The following TNFRSF21 variants were observed in gnomAD, a reference collection of about 807,000 sequenced individuals.
TNFRSF21 encodes TNF receptor superfamily member 21, also known as tumor necrosis factor receptor superfamily member 21.
A neutral mutation model predicts 45.6 loss-of-function variants in TNFRSF21; 19 were observed. The ratio of observed to expected loss-of-function variants is 0.42; its 90% CI spans 0.29 to 0.61. The LOEUF (loss-of-function observed/expected upper bound fraction) is 0.61, where lower values mean the gene tolerates loss of function less well. Ranked by LOEUF, TNFRSF21 falls within the 20% of genes least tolerant of loss-of-function variation. TNFRSF21 has a pLI of 0.23. For synonymous variants in TNFRSF21, 314 were observed against 335.5 expected, an observed-to-expected ratio of 0.94 and a Z score of 0.70; for missense variants, 737 against 851.5, an observed-to-expected ratio of 0.87 and a Z score of 1.67.
Position 47,231,616 on chromosome 6 carries a change from C to T in TNFRSF21, c.*1149G>A, listed in dbSNP as rs1582308289. ...GGTCCTTCACCACTACCCACAAACCCCACCCACACAAAGGGAGTCCACGCC... is the reference window on the plus strand; with the variant it reads ...GGTCCTTCACCACTACCCACAAACCTCACCCACACAAAGGGAGTCCACGCC... On this transcript the variant is annotated 3_prime_UTR_variant, in exon 6 of 6. Coordinates refer to ENST00000296861, the MANE Select transcript of TNFRSF21 (RefSeq NM_014452.5). The T allele has an allele frequency of 6.6e-6, 1 of 152,536 alleles. No homozygotes were observed. The highest frequency in any genetic ancestry group is 2.1e-4 in the South Asian group (1 of 4,816). The allele number at this position is 152,536 out of a possible 1,614,324, so 9.4% of individuals were successfully genotyped here. A position where few individuals can be genotyped will look rare whatever the true frequency, so the allele number is the denominator to read the frequency against.
chr6:47,238,049 C>CA (rs1284271164), intron 4 of TNFRSF21, among the ~76,000 whole-genome samples: 17 of 146,738 alleles, frequency 1.2e-4, no homozygotes, highest in South Asian at 1.1e-3. Flanking sequence ...GACTCTGTCT[C>CA]AAAAAAAAAG....
At chr6:47,305,511 A>G (rs1762925781) in intron 1 of TNFRSF21, among the ~76,000 whole-genome samples, 5 of 152,184 alleles carry the variant, frequency 3.3e-5, no homozygotes, top group African/African-American at 9.7e-5. Flanking sequence ...CGAATTTGCC[A>G]CCAAGTCTTG....
intron 1 of TNFRSF21, among the ~76,000 whole-genome samples, chr6:47,298,219 T>C (rs748063315): frequency 4.7e-5 from 7 of 149,810 alleles, no homozygotes; most frequent in South Asian, 2.1e-4. Flanking sequence ...GGAGAGAGGA[T>C]TGCTTGAGCC....
intron 3 of TNFRSF21, among the ~76,000 whole-genome samples, chr6:47,260,391 G>T (rs916867261): frequency 6.6e-6 from 1 of 152,216 alleles, no homozygotes; most frequent in Non-Finnish European, 1.5e-5. Flanking sequence ...CAGCAGGAGA[G>T]CTCAAGAACT....
At chr6:47,291,038 C>A (rs533842807) in intron 1 of TNFRSF21, among the ~76,000 whole-genome samples, 2 of 152,346 alleles carry the variant, frequency 1.3e-5, no homozygotes, top group Admixed American at 1.3e-4. Context: ...TGAACAGGTG[C>A]TTCCTAGCTC....
intron 1 of TNFRSF21, among the ~76,000 whole-genome samples, chr6:47,294,318 T>C (rs1330844065): frequency 1.3e-5 from 2 of 152,292 alleles, no homozygotes; most frequent in East Asian, 3.9e-4. Context: ...TAATTTTTTG[T>C]ATTTTAGTAG....
Position 47,309,672 on chromosome 6 carries a change from C to T in TNFRSF21, c.-161G>A. On this transcript the variant is annotated 5_prime_UTR_variant, in exon 1 of 6. Transcript: ENST00000296861. ...GCTGCGGCCGGGCAGAGGAGGGAGG[C>T]GGCAAGGGAGGCTCTAGGGGCGCTC... 8.9e-7 allele frequency: 1 copy of T among 1,126,896 alleles called. No individual in the cohort carries two copies. The allele number at this position is 1,126,896 out of a possible 1,614,324, so 69.8% of individuals were successfully genotyped here.
intron 5 of TNFRSF21, 83 bp from the exon 6 acceptor site, chr6:47,233,077 G>C: frequency 7.9e-7 from 1 of 1,259,260 alleles, no homozygotes; most frequent in South Asian, 1.3e-5. Flanking sequence ...GGGTCCTAGA[G>C]AGAGAGACAT....
intron 3 of TNFRSF21, among the ~76,000 whole-genome samples, chr6:47,262,130 A>G (rs563000729): frequency 4.6e-4 from 70 of 152,204 alleles, no homozygotes; most frequent in Non-Finnish European, 7.6e-4. Flanking sequence ...CTTGGGGACT[A>G]CTAAGAAAGA....
At chr6:47,253,753 C>T (rs1024081275) in intron 3 of TNFRSF21, among the ~76,000 whole-genome samples, 4 of 152,152 alleles carry the variant, frequency 2.6e-5, no homozygotes, top group Non-Finnish European at 5.9e-5. Flanking sequence ...AAGGAATGAT[C>T]ATGGAATTAT....
In TNFRSF21 at chr6:47,245,448, GTGTGTGTGTT is replaced by G. The variant is rs1224096458; in HGVS notation, c.1509+7798_1509+7807del. Among the ~76,000 whole-genome samples the G allele has an allele frequency of 9.1e-4, 118 of 129,372 alleles. 1 individual carries two copies. Among genetic ancestry groups the G allele is most frequent in the African/African-American group, 3.0e-3 (85 of 28,410 alleles). 84.9% of individuals were successfully genotyped at this position (129,372 alleles called of 152,430 possible). ...AAGAAGTGTGTGTGTGTGTGTGTGT[GTGTGTGTGTT>G]TGTGTGTGTGTGTGTGTGTGTTGGG... On this transcript the variant is annotated intron_variant, in intron 4 of 5. Coordinates refer to ENST00000296861, the MANE Select transcript of TNFRSF21 (RefSeq NM_014452.5).
At chr6:47,262,337 T>C (rs569369835) in intron 3 of TNFRSF21, among the ~76,000 whole-genome samples, 18 of 152,352 alleles carry the variant, frequency 1.2e-4, no homozygotes, top group African/African-American at 4.3e-4. Flanking sequence ...TCCTTCCTGC[T>C]TATCTTAGTC....
intron 3 of TNFRSF21, among the ~76,000 whole-genome samples, chr6:47,257,949 A>G (rs1260639525): frequency 1.3e-5 from 2 of 152,176 alleles, no homozygotes; most frequent in Non-Finnish European, 2.9e-5. Flanking sequence ...GATGCAGTGG[A>G]GGAACATTAT....
Position 47,237,237 on chromosome 6 carries a change from C to T in TNFRSF21, c.1510-2339G>A, listed in dbSNP as rs534330057. On this transcript the variant is annotated intron_variant, in intron 4 of 5. Transcript: ENST00000296861. ...ATAAGTATCTCTCACTTTGTGCAAC[C>T]GTAGCTGGTTGCATTTTGACTTCAT... Among the ~76,000 whole-genome samples, 11 of 152,182 alleles carry T rather than the reference C, an allele frequency of 7.2e-5. 1 individual carries two copies. Among genetic ancestry groups the T allele is most frequent in the East Asian group, 5.8e-4 (3 of 5,180 alleles).
chr6:47,309,238 T>C (rs1353826000), intron 1 of TNFRSF21, among the ~76,000 whole-genome samples, 178 bp downstream of exon 1: 2 of 152,204 alleles, frequency 1.3e-5, no homozygotes, highest in East Asian at 3.9e-4. Context: ...TTCCCCCAAA[T>C]AACCTAGTCG....
intron 5 of TNFRSF21, among the ~76,000 whole-genome samples, chr6:47,233,375 A>G (rs1027513968): frequency 7.2e-5 from 11 of 152,174 alleles, no homozygotes; most frequent in Admixed American, 7.2e-4. Context: ...AAAAAACTAA[A>G]AAACCTTTAC....
At chr6:47,283,452 G>T (rs1449429782) in intron 3 of TNFRSF21, among the ~76,000 whole-genome samples, 1 of 152,162 alleles carries the variant, frequency 6.6e-6, no homozygotes, top group African/African-American at 2.4e-5. Flanking sequence ...GAATCTAAAA[G>T]CAAGGTTCTG....
At chr6:47,298,197 A>G (rs989787968) in intron 1 of TNFRSF21, among the ~76,000 whole-genome samples, 7 of 150,996 alleles carry the variant, frequency 4.6e-5, no homozygotes, top group Non-Finnish European at 1.0e-4. Context: ...AAGAGTGAGC[A>G]TGGGAGGGCA....
chr6:47,264,530 A>G (rs990171780), intron 3 of TNFRSF21, among the ~76,000 whole-genome samples: 3 of 152,266 alleles, frequency 2.0e-5, no homozygotes, highest in Admixed American at 2.0e-4. Context: ...ATAATAAATT[A>G]ATTAATTAAT....
Sources: gnomAD v4.1 joint callset for allele counts (sites outside exome capture counted in the v4.1 genomes callset) on GRCh38, gnomAD v4.1.1 for gene constraint, MANE v1.5 for transcripts, NCBI Gene and HGNC (gene_info 2026-07-23, HGNC 2026-07-21) for gene names.